The following CCDC62 variants were observed in gnomAD, a reference collection of about 807,000 sequenced individuals.
The protein encoded by CCDC62 is coiled-coil domain containing 62.
CCDC62 carries 72 observed loss-of-function variants against 80.8 expected under a neutral mutation model. That is an observed-to-expected ratio of 0.89 (90% CI 0.74 to 1.08). The LOEUF (loss-of-function observed/expected upper bound fraction) is 1.08, where lower values mean the gene tolerates loss of function less well. Ranked by LOEUF, CCDC62 falls within the 50% of genes least tolerant of loss-of-function variation. The pLI, the probability that CCDC62 is intolerant of heterozygous loss-of-function variation, is 0.00. For synonymous variants in CCDC62, 286 were observed against 296.5 expected, an observed-to-expected ratio of 0.96 and a Z score of 0.36; for missense variants, 704 against 809.4, an observed-to-expected ratio of 0.87 and a Z score of 1.58.
Position 122,781,177 on chromosome 12 carries a change from AAG to A in CCDC62, c.245_246del (p.Arg82AsnfsTer2). The A allele has an allele frequency of 3.7e-6, 6 of 1,613,238 alleles. No homozygotes were observed. Among genetic ancestry groups the A allele is most frequent in the Non-Finnish European group, 5.1e-6 (6 of 1,179,758 alleles). On this transcript the variant is annotated frameshift_variant, in exon 3 of 13. Transcript: ENST00000253079. LOFTEE classifies it high-confidence loss of function. ...AACTTCCCTCAGGTGAACTACATAA[AAG>A]AACTGAAATAATCAGGTCACTCACG... Reference protein sequence around the residue: ...CSKLEGELHKRTEIIRSLTKK... With the variant: ...CSKLEGELHKXTEIIRSLTKK...
At chr12:122,810,952 T>C (rs973449433) in intron 10 of CCDC62, among the ~76,000 whole-genome samples, 1 of 140,358 alleles carries the variant, frequency 7.1e-6, no homozygotes, top group African/African-American at 2.7e-5. Context: ...TTCTCACTCA[T>C]AGGTGGGAAT....
chr12:122,815,204 G>T (rs2032111678), intron 11 of CCDC62, among the ~76,000 whole-genome samples: 1 of 152,022 alleles, frequency 6.6e-6, no homozygotes, highest in Non-Finnish European at 1.5e-5. Context: ...TCAGCCTCCT[G>T]AGTAGCTGGG....
intron 11 of CCDC62, among the ~76,000 whole-genome samples, chr12:122,818,476 TAACTG>T (rs907986029): frequency 2.1e-5 from 3 of 143,994 alleles, no homozygotes; most frequent in South Asian, 2.2e-4. Context: ...AAAAAAAAAT[TAACTG>T]GACGTGGTGA....
chr12:122,778,251 G>A (rs1879601881), intron 2 of CCDC62, among the ~76,000 whole-genome samples: 1 of 151,878 alleles, frequency 6.6e-6, no homozygotes. Context: ...CTACTCGGGA[G>A]GCAGAGGCAC....
intron 2 of CCDC62, among the ~76,000 whole-genome samples, chr12:122,779,617 A>G (rs1291588615): frequency 1.3e-5 from 2 of 152,218 alleles, no homozygotes; most frequent in Non-Finnish European, 2.9e-5. Flanking sequence ...ACCCAGATGC[A>G]TGTAAAAAGG....
At chr12:122,824,456 A>C (rs554108310) in intron 12 of CCDC62, among the ~76,000 whole-genome samples, 2 of 152,150 alleles carry the variant, frequency 1.3e-5, no homozygotes, top group East Asian at 3.9e-4. Flanking sequence ...GAAAAACCAC[A>C]ATGCAGTACC....
At chr12:122,825,348 T>G (rs746831083) in intron 12 of CCDC62, among the ~76,000 whole-genome samples, 4,900 of 138,032 alleles carry the variant, frequency 0.035, 164 homozygotes, top group East Asian at 0.21. Context: ...GCTAATTTTT[T>G]TTTTTTTTTT....
intron 9 of CCDC62, among the ~76,000 whole-genome samples, chr12:122,805,230 AT>A (rs1403378608): frequency 2.0e-5 from 2 of 98,322 alleles, no homozygotes; most frequent in African/African-American, 7.9e-5. Flanking sequence ...GTCTGTTTTA[AT>A]TTTTCCCTCC....
In CCDC62 at chr12:122,826,702, C is replaced by T. The variant is rs1227306337; in HGVS notation, c.*321C>T. On this transcript the variant is annotated 3_prime_UTR_variant, in exon 13 of 13. Transcript: ENST00000253079. ...GACTTCTCTGTAAAGATACGGACTA[C>T]AGTTAAATGCTAGAGAAGCTCTTTA... The T allele has an allele frequency of 2.7e-6, 1 of 374,534 alleles. No individual in the cohort carries two copies. Among genetic ancestry groups the T allele is most frequent in the East Asian group, 4.0e-5 (1 of 25,234 alleles). The allele number at this position is 374,534 out of a possible 1,614,324, so 23.2% of individuals were successfully genotyped here.
chr12:122,811,547 T>C (rs956954785), intron 10 of CCDC62, among the ~76,000 whole-genome samples: 1 of 140,746 alleles, frequency 7.1e-6, no homozygotes, highest in African/African-American at 2.6e-5. Flanking sequence ...AAAAATCAGG[T>C]GGTGGCTCAT....
intron 2 of CCDC62, among the ~76,000 whole-genome samples, chr12:122,778,752 G>T (rs371509670): frequency 6.6e-6 from 1 of 151,910 alleles, no homozygotes; most frequent in Non-Finnish European, 1.5e-5. Context: ...GGTGGTGGGC[G>T]CCTGTAGTCC....
chr12:122,798,488 A>G (rs755597682), intron 8 of CCDC62, among the ~76,000 whole-genome samples: 1 of 152,184 alleles, frequency 6.6e-6, no homozygotes, highest in Non-Finnish European at 1.5e-5. Context: ...CTGTAGTCCC[A>G]GCTACTTGCA....
intron 8 of CCDC62, among the ~76,000 whole-genome samples, chr12:122,799,850 C>T (rs2031187078): frequency 2.0e-5 from 3 of 152,212 alleles, no homozygotes; most frequent in South Asian, 2.1e-4. Flanking sequence ...CTGCTTTCCG[C>T]TGCACTTGCT....
At chr12:122,775,677 A>G (rs1879400038) in intron 1 of CCDC62, among the ~76,000 whole-genome samples, 1 of 152,170 alleles carries the variant, frequency 6.6e-6, no homozygotes, top group South Asian at 2.1e-4. Flanking sequence ...CAGTGACGCA[A>G]TGTCGGCTTA....
rs546393446 is a variant in CCDC62, at chr12:122,809,740, G to A, written c.1851+3445G>A. On this transcript the variant is annotated intron_variant, in intron 10 of 12. Transcript: ENST00000253079. ...ATCCTAAGCCAAAAGAACAAAGCTAGAGGCATCACGCTACCTGACTTCAAA... is the reference window on the plus strand; with the variant it reads ...ATCCTAAGCCAAAAGAACAAAGCTAAAGGCATCACGCTACCTGACTTCAAA... Among the ~76,000 whole-genome samples the A allele has an allele frequency of 3.4e-3, 516 of 152,282 alleles. 5 individuals carry two copies. The highest frequency in any genetic ancestry group is 0.012 in the African/African-American group (483 of 41,588).
intron 11 of CCDC62, among the ~76,000 whole-genome samples, chr12:122,821,900 A>C (rs906429425): frequency 5.9e-5 from 9 of 152,110 alleles, no homozygotes; most frequent in Admixed American, 5.3e-4. Flanking sequence ...GGAAAGATTT[A>C]GAACCGATTC....
chr12:122,796,358 G>A (rs191073685), intron 6 of CCDC62, among the ~76,000 whole-genome samples: 210 of 151,904 alleles, frequency 1.4e-3, no homozygotes, highest in African/African-American at 4.8e-3. Flanking sequence ...GACTCAGGCT[G>A]GTCTCAAACT....
intron 9 of CCDC62, among the ~76,000 whole-genome samples, chr12:122,804,918 CTT>C (rs1285515604): frequency 2.9e-5 from 4 of 140,024 alleles, no homozygotes; most frequent in Non-Finnish European, 4.6e-5. Flanking sequence ...AAGTTTCACT[CTT>C]GTCGCCCAGC....
chr12:122,826,875 A>G lies in CCDC62; in HGVS notation c.*494A>G, dbSNP rs1481431836. The G allele has an allele frequency of 6.4e-6, 1 of 156,868 alleles. No individual in the cohort carries two copies. Among genetic ancestry groups the G allele is most frequent in the Non-Finnish European group, 1.4e-5 (1 of 71,286 alleles). 9.7% of individuals were successfully genotyped at this position (156,868 alleles called of 1,614,324 possible). A position where few individuals can be genotyped will look rare whatever the true frequency, so the allele number is the denominator to read the frequency against. On this transcript the variant is annotated 3_prime_UTR_variant, in exon 13 of 13. Transcript: ENST00000253079. The stretch of plus-strand genomic sequence containing the variant: ...AATATATGAGAAACAGTATTCTCTC[A>G]TGGTTTTAGCTTTTGACTTTGCTGT...
Sources: gnomAD v4.1 joint callset for allele counts (sites outside exome capture counted in the v4.1 genomes callset) on GRCh38, gnomAD v4.1.1 for gene constraint, MANE v1.5 for transcripts, NCBI Gene and HGNC (gene_info 2026-07-23, HGNC 2026-07-21) for gene names.